HMGXB4: variants seen among roughly 807,000 people sequenced by gnomAD.
The protein encoded by HMGXB4 is HMG domain-containing protein 4.
In HMGXB4, 27 loss-of-function variants were observed where a neutral mutation model predicts 63.9. That is an observed-to-expected ratio of 0.42 (90% CI 0.31 to 0.58). The LOEUF is 0.58. HMGXB4 is among the 20% of genes least tolerant of loss of function. The pLI is 0.13. For synonymous variants in HMGXB4, 264 were observed against 265.3 expected, an observed-to-expected ratio of 0.99 and a Z score of 0.05; for missense variants, 624 against 700.7, an observed-to-expected ratio of 0.89 and a Z score of 1.24.
At chr22:35,248,603 C>T in the HMGXB4 span, among the ~76,000 whole-genome samples, 2 of 151,970 alleles carry the variant, frequency 1.3e-5, no homozygotes, top group African/African-American at 4.8e-5. Context: ...CAGGGTTTCA[C>T]CACGTTGCCC....
At chr22:35,269,105 A>C (rs892457572) in intron 5 of HMGXB4, among the ~76,000 whole-genome samples, 1 of 152,230 alleles carries the variant, frequency 6.6e-6, no homozygotes, top group African/African-American at 2.4e-5. Flanking sequence ...AGCTGGGTGC[A>C]GTGGCTCACA....
chr22:35,267,149 T>TATA (rs67181278), intron 5 of HMGXB4, among the ~76,000 whole-genome samples: 1 of 93,284 alleles, frequency 1.1e-5, no homozygotes, highest in Non-Finnish European at 2.9e-5. Flanking sequence ...TGTGTGTGTA[T>TATA]ATATAATATA....
chr22:35,274,305 C>T (rs1053603027), intron 5 of HMGXB4, among the ~76,000 whole-genome samples: 4 of 152,136 alleles, frequency 2.6e-5, no homozygotes, highest in Non-Finnish European at 4.4e-5. Context: ...GTCCCTGAGA[C>T]GCCAGAGGGC....
intron 2 of HMGXB4, 74 bp downstream of exon 2, chr22:35,262,495 A>G: frequency 1.4e-6 from 2 of 1,434,426 alleles, no homozygotes; most frequent in Non-Finnish European, 2.0e-6. Flanking sequence ...GGATATAGAG[A>G]CCAGGACTGG....
intron 5 of HMGXB4, among the ~76,000 whole-genome samples, chr22:35,272,773 A>G (rs1923683619): frequency 6.6e-6 from 1 of 151,766 alleles, no homozygotes; most frequent in Admixed American, 6.6e-5. Context: ...ATCTCTACTA[A>G]AAGTACAAAA....
the HMGXB4 span, among the ~76,000 whole-genome samples, chr22:35,248,644 A>G: frequency 6.6e-6 from 1 of 151,990 alleles, no homozygotes; most frequent in African/African-American, 2.4e-5. Context: ...AGCTCAGGCA[A>G]TCCACCCACC....
rs1385227201 is a variant in HMGXB4 at position 35,293,071 on chromosome 22, C to G, written c.1718C>G (p.Thr573Ser). The change falls in exon 10 of 11, where the codon ACC becomes AGC. Residue 573 changes from threonine to serine, a missense_variant. By Grantham distance (58) the Thr-to-Ser change is moderately conservative. Around this residue, in one of 2 missense-constraint regions of HMGXB4, gnomAD observed 152 missense variants for 230.1 expected, o/e 0.66. Transcript: ENST00000216106. ...ICALGPLACLTTQLPELNGCP... is the reference protein window; with the variant it reads ...ICALGPLACLSTQLPELNGCP... The stretch of plus-strand genomic sequence containing the variant: ...GCCCTTGGCCCCTTGGCATGTCTCA[C>G]CACACAACTACCTGAATTGAATGGC... The G allele has an allele frequency of 6.8e-6, 11 of 1,614,064 alleles. No individual in the cohort carries two copies. Among genetic ancestry groups the G allele is most frequent in the Non-Finnish European group, 9.3e-6 (11 of 1,180,042 alleles).
intron 7 of HMGXB4, 69 bp downstream of exon 7, chr22:35,286,130 A>G (rs1015155111): frequency 2.1e-5 from 23 of 1,094,638 alleles, no homozygotes; most frequent in Non-Finnish European, 2.4e-5. Context: ...ATTCTTCCAT[A>G]GACTAGCCAG....
At chr22:35,245,248 C>T in the HMGXB4 span, among the ~76,000 whole-genome samples, 1,228 of 151,878 alleles carry the variant, frequency 8.1e-3, 10 homozygotes, top group African/African-American at 0.028. Flanking sequence ...TCCATTCTGC[C>T]GTTGAGCTCA....
Position 35,294,720 on chromosome 22 carries a change from T to C in HMGXB4, c.*1069T>C, listed in dbSNP as rs1335626729. On this transcript the variant is annotated 3_prime_UTR_variant, in exon 11 of 11. Coordinates refer to ENST00000216106, the MANE Select transcript of HMGXB4 (RefSeq NM_001003681.3). ...AATTTATCCTGTAAATTTCTGTATA[T>C]ATAATTTAATAACAGAAGCCTCCAC... is the stretch of plus-strand genomic sequence containing the variant. 1 of 152,218 alleles carries C rather than the reference T, an allele frequency of 6.6e-6. No homozygotes were observed. The highest frequency in any genetic ancestry group is 1.9e-4 in the East Asian group (1 of 5,192). The allele number at this position is 152,218 out of a possible 1,614,324, so 9.4% of individuals were successfully genotyped here. A position where few individuals can be genotyped will look rare whatever the true frequency, so the allele number is the denominator to read the frequency against.
intron 1 of HMGXB4, among the ~76,000 whole-genome samples, chr22:35,259,122 G>C (rs1922669933): frequency 1.3e-5 from 2 of 152,174 alleles, no homozygotes; most frequent in African/African-American, 4.8e-5. Flanking sequence ...ACCAGGGAAA[G>C]AGCAACTCTG....
chr22:35,288,751 C>T (rs370725889), intron 9 of HMGXB4, among the ~76,000 whole-genome samples: 12 of 152,174 alleles, frequency 7.9e-5, no homozygotes, highest in African/African-American at 2.9e-4. Context: ...GGGAGGCCCA[C>T]CTGGGAGAAT....
At chr22:35,288,762 C>T (rs755618794) in intron 9 of HMGXB4, among the ~76,000 whole-genome samples, 3 of 151,926 alleles carry the variant, frequency 2.0e-5, no homozygotes, top group South Asian at 2.1e-4. Context: ...CTGGGAGAAT[C>T]GCTTAAGGCC....
chr22:35,287,506 C>T (rs749206034), intron 8 of HMGXB4, 54 bp downstream of exon 8: 2 of 1,315,478 alleles, frequency 1.5e-6, no homozygotes, highest in Non-Finnish European at 2.2e-6. Flanking sequence ...ATTTTGCTTC[C>T]TTGCTAAGAA....
intron 5 of HMGXB4, among the ~76,000 whole-genome samples, chr22:35,275,707 C>T (rs1438935647): frequency 2.0e-5 from 3 of 152,136 alleles, no homozygotes; most frequent in Non-Finnish European, 4.4e-5. Flanking sequence ...CCACTGCACT[C>T]CATCCTGGGT....
chr22:35,262,732 TC>T (rs760350725), intron 2 of HMGXB4: 40 of 517,776 alleles, frequency 7.7e-5, no homozygotes, highest in Non-Finnish European at 1.2e-4. Context: ...CATCCTGGAC[TC>T]CCACAGAGAG....
chr22:35,292,850 T>C (rs754807994), intron 9 of HMGXB4, 142 bp from the exon 10 acceptor site: 2 of 936,350 alleles, frequency 2.1e-6, no homozygotes, highest in African/African-American at 1.7e-5. Flanking sequence ...TACAGAGTTA[T>C]CAAAGTAAAC....
At chr22:35,282,828 A>G (rs1238486096) in intron 5 of HMGXB4, among the ~76,000 whole-genome samples, 1 of 152,204 alleles carries the variant, frequency 6.6e-6, no homozygotes, top group African/African-American at 2.4e-5. Context: ...ATTTGGATAG[A>G]TGAATCTAAT....
chr22:35,253,701 C>A (rs1275738196), upstream of HMGXB4, among the ~76,000 whole-genome samples: 3 of 152,154 alleles, frequency 2.0e-5, no homozygotes, highest in Non-Finnish European at 4.4e-5. Context: ...TAAGCCTGGG[C>A]TACCTGTGGC....
Sources: gnomAD v4.1 joint callset for allele counts (sites outside exome capture counted in the v4.1 genomes callset) on GRCh38, gnomAD v4.1.1 for gene constraint, gnomAD v4.1.1 regional missense constraint, MANE v1.5 for transcripts, NCBI Gene and HGNC (gene_info 2026-07-23, HGNC 2026-07-21) for gene names.